MAP2: variants seen among roughly 807,000 people sequenced by gnomAD.
MAP2 encodes microtubule associated protein 2, also known as microtubule-associated protein 2.
MAP2 carries 14 observed loss-of-function variants against 137.6 expected under a neutral mutation model. The observed-to-expected ratio is 0.10, with a 90% CI of 0.07 to 0.16. The LOEUF is 0.16. MAP2 is among the 10% of genes least tolerant of loss of function. The probability of loss-of-function intolerance (pLI) is 1.00; values close to 1 mark genes in which losing one functional copy is unlikely to be tolerated. For synonymous variants in MAP2, 786 were observed against 782.3 expected (o/e 1.00, Z -0.08); for missense variants, 2,088 against 2,191.5 (o/e 0.95, Z 0.94).
At chr2:209,621,352 G>A (rs1481524768) in intron 3 of MAP2, among the ~76,000 whole-genome samples, 2 of 145,152 alleles carry the variant, frequency 1.4e-5, no homozygotes, top group Non-Finnish European at 3.0e-5. Context: ...TCCATCTCCC[G>A]GGTTCAAGTG....
At chr2:209,533,751 C>T (rs1484772866) in intron 2 of MAP2, among the ~76,000 whole-genome samples, 2 of 152,180 alleles carry the variant, frequency 1.3e-5, no homozygotes, top group African/African-American at 4.8e-5. Context: ...GGATCTAAAT[C>T]TGTTTGTGTT....
intron 3 of MAP2, among the ~76,000 whole-genome samples, chr2:209,601,249 G>T (rs1280573405): frequency 6.6e-6 from 1 of 151,910 alleles, no homozygotes; most frequent in Non-Finnish European, 1.5e-5. Context: ...TTATGGTTAT[G>T]CGTAGTCAAT....
chr2:209,687,040 T>C (rs893959963), intron 7 of MAP2, among the ~76,000 whole-genome samples: 2 of 151,864 alleles, frequency 1.3e-5, no homozygotes, highest in African/African-American at 4.8e-5. Context: ...CTCTAGGTAC[T>C]ACATTAGCCT....
intron 2 of MAP2, among the ~76,000 whole-genome samples, chr2:209,567,234 G>A (rs1479953112): frequency 6.6e-6 from 1 of 151,934 alleles, no homozygotes; most frequent in Non-Finnish European, 1.5e-5. Context: ...AGTGTAAAAG[G>A]AGCCTACCAG....
At chr2:209,549,891 C>G (rs78457248) in intron 2 of MAP2, among the ~76,000 whole-genome samples, 2,972 of 152,286 alleles carry the variant, frequency 0.02, 91 homozygotes, top group African/African-American at 0.068. Context: ...TTCTCTTTCT[C>G]ACCCTCTGGG....
intron 14 of MAP2, among the ~76,000 whole-genome samples, chr2:209,726,933 T>G (rs1307178558): frequency 6.6e-6 from 1 of 152,210 alleles, no homozygotes; most frequent in Non-Finnish European, 1.5e-5. Flanking sequence ...AGTAATAGGT[T>G]TTTTTCCATG....
chr2:209,538,884 T>C (rs908973424), intron 2 of MAP2, among the ~76,000 whole-genome samples: 4 of 152,290 alleles, frequency 2.6e-5, no homozygotes, highest in African/African-American at 9.6e-5. Flanking sequence ...AATAATATCA[T>C]TGTTGCTTTT....
At chr2:209,539,453 A>G (rs2066517353) in intron 2 of MAP2, among the ~76,000 whole-genome samples, 1 of 152,228 alleles carries the variant, frequency 6.6e-6, no homozygotes, top group African/African-American at 2.4e-5. Flanking sequence ...TCTGAAGAAA[A>G]CAATGAATAA....
intron 2 of MAP2, among the ~76,000 whole-genome samples, chr2:209,567,712 G>A (rs1358613383): frequency 2.6e-5 from 4 of 152,006 alleles, no homozygotes; most frequent in Admixed American, 6.6e-5. Context: ...AAAATGAAAC[G>A]AGTATAAATA....
intron 2 of MAP2, among the ~76,000 whole-genome samples, chr2:209,568,719 A>G (rs2073903571): frequency 6.6e-6 from 1 of 151,924 alleles, no homozygotes; most frequent in South Asian, 2.1e-4. Context: ...TCAGTCTTTC[A>G]TGAAATTGTA....
intron 13 of MAP2, among the ~76,000 whole-genome samples, chr2:209,721,017 A>T (rs1456719398): frequency 6.6e-6 from 1 of 152,038 alleles, no homozygotes; most frequent in African/African-American, 2.4e-5. Context: ...TATTTTATGA[A>T]ATGGCTTCTG....
chr2:209,529,775 C>G (rs1325784220), intron 2 of MAP2, among the ~76,000 whole-genome samples: 1 of 152,100 alleles, frequency 6.6e-6, no homozygotes, highest in Non-Finnish European at 1.5e-5. Context: ...ATTTATTTCT[C>G]ATTTTAGCCA....
chr2:209,572,408 T>C (rs1050922864), intron 2 of MAP2, among the ~76,000 whole-genome samples: 1 of 152,162 alleles, frequency 6.6e-6, no homozygotes, highest in African/African-American at 2.4e-5. Flanking sequence ...AAATATTTTG[T>C]TTAAATATTT....
intron 1 of MAP2, among the ~76,000 whole-genome samples, chr2:209,503,240 C>G (rs1235890002): frequency 6.6e-6 from 1 of 151,942 alleles, no homozygotes; most frequent in African/African-American, 2.4e-5. Flanking sequence ...GACTCAAGCA[C>G]TCCACCCTCC....
Position 209,693,849 on chromosome 2 carries a change from T to C in MAP2, c.1679T>C (p.Met560Thr). The C allele has an allele frequency of 1.2e-6, 2 of 1,613,482 alleles. No homozygotes were observed. The highest frequency in any genetic ancestry group is 1.1e-5 in the South Asian group (1 of 90,872). The stretch of plus-strand genomic sequence containing the variant: ...GCTGCAACATCAGCTGAGCTTGATA[T>C]GCCATTTTATGAAGATAAATCAGGA... Reference protein sequence around the residue: ...VGAATSAELDMPFYEDKSGMS... With the variant: ...VGAATSAELDTPFYEDKSGMS... The change falls in exon 8 of 16, where the codon ATG (methionine) becomes ACG (threonine). Residue 560 changes from methionine (M) to threonine (T), a missense_variant. Met to Thr is a moderately conservative substitution (Grantham distance 81, BLOSUM62 -1). Coordinates refer to ENST00000682079, the MANE Select transcript of MAP2 (RefSeq NM_001375505.1).
At chr2:209,658,537 G>A (rs1477526379) in intron 5 of MAP2, among the ~76,000 whole-genome samples, 13 of 151,412 alleles carry the variant, frequency 8.6e-5, no homozygotes, top group East Asian at 1.9e-4. Flanking sequence ...ATGAAGTCTC[G>A]CTCTTGTCTC....
At position 209,544,294 on chromosome 2, in the gene MAP2, GT is replaced by G. The variant is rs202036931; in HGVS notation, c.-171-35736del. Reference sequence around the variant, plus strand: ...TAGTTTTTGTTTTGTTTTGTTTTTTGTTTTTTGTCTTCTAGCCCAGCAACAT... The same window carrying G: ...TAGTTTTTGTTTTGTTTTGTTTTTTGTTTTTGTCTTCTAGCCCAGCAACAT... On this transcript the variant is annotated intron_variant, in intron 2 of 15. Coordinates refer to ENST00000682079, the MANE Select transcript of MAP2 (RefSeq NM_001375505.1). Among the ~76,000 whole-genome samples, 94 of 151,706 alleles carry G rather than the reference GT, an allele frequency of 6.2e-4. 3 individuals carry two copies. The East Asian group carries it at 0.018, about 29-fold the overall frequency.
chr2:209,580,992 T>C, intron 3 of MAP2, among the ~76,000 whole-genome samples: 1 of 152,172 alleles, frequency 6.6e-6, no homozygotes. Context: ...CTATGTATAA[T>C]ATTTCCTCTC....
At chr2:209,671,664 C>T (rs1420537246) in intron 5 of MAP2, among the ~76,000 whole-genome samples, 2 of 151,904 alleles carry the variant, frequency 1.3e-5, no homozygotes, top group Non-Finnish European at 2.9e-5. Context: ...ATTCTTAAAA[C>T]ATTTACAGGC....
Sources: allele counts gnomAD v4.1 joint callset (sites outside exome capture counted in the v4.1 genomes callset), GRCh38; gene constraint gnomAD v4.1.1; transcripts MANE v1.5; gene names NCBI Gene and HGNC (gene_info 2026-07-23, HGNC 2026-07-21).